Variants in ALG5 observed in about 807,000 individuals in gnomAD.
ALG5 encodes dolichyl-phosphate beta-glucosyltransferase.
A neutral mutation model predicts 51.8 loss-of-function variants in ALG5; 26 were observed. That is an observed-to-expected ratio of 0.50 (90% CI 0.37 to 0.70). The LOEUF (loss-of-function observed/expected upper bound fraction) is 0.70. Ranked by LOEUF, ALG5 falls within the 30% of genes least tolerant of loss-of-function variation. The pLI is 0.00. For missense variants in ALG5, 311 were observed against 399.3 expected (o/e 0.78, Z 1.88); for synonymous variants, 141 against 136.1 (o/e 1.04, Z -0.25).
At chr13:36,996,226 C>A (rs2059049589) in intron 1 of ALG5, among the ~76,000 whole-genome samples, 1 of 152,214 alleles carries the variant, frequency 6.6e-6, no homozygotes, top group African/African-American at 2.4e-5. Flanking sequence ...CTTCCATATG[C>A]ACTTGGGAGC....
intron 5 of ALG5, among the ~76,000 whole-genome samples, chr13:36,987,593 C>T (rs2059007758): frequency 6.6e-6 from 1 of 152,194 alleles, no homozygotes; most frequent in African/African-American, 2.4e-5. Flanking sequence ...CTTCCTGAGG[C>T]CTTCACTAGA....
intron 8 of ALG5, among the ~76,000 whole-genome samples, chr13:36,965,305 A>AAAGGAAAAAAAGGAAGTCT (rs1555250587): frequency 6.6e-6 from 1 of 151,432 alleles, no homozygotes; most frequent in Admixed American, 6.6e-5. Context: ...TTTTTTCTTC[A>AAAGGAAAAAAAGGAAGTCT]AAGGAAAAAA....
intron 6 of ALG5, among the ~76,000 whole-genome samples, chr13:36,983,618 C>T (rs532831232): frequency 1.6e-4 from 24 of 151,150 alleles, no homozygotes; most frequent in African/African-American, 4.9e-4. Context: ...TAAATGTGGC[C>T]AATGAAACTG....
chr13:36,982,333 G>C (rs2058983511), intron 6 of ALG5, among the ~76,000 whole-genome samples: 1 of 152,224 alleles, frequency 6.6e-6, no homozygotes, highest in African/African-American at 2.4e-5. Context: ...AGCTGCTTAA[G>C]CATCACTAGA....
chr13:36,972,312 C>T (rs74920489), intron 6 of ALG5, among the ~76,000 whole-genome samples: 7,932 of 151,922 alleles, frequency 0.052, 693 homozygotes, highest in African/African-American at 0.18. Context: ...TGTGAAAATA[C>T]TATATTATTT....
chr13:36,990,892 G>T (rs1211161821), intron 4 of ALG5, among the ~76,000 whole-genome samples: 1 of 152,036 alleles, frequency 6.6e-6, no homozygotes, highest in Non-Finnish European at 1.5e-5. Context: ...CTAGTTCAGG[G>T]CCTTATCCCC....
Position 36,989,590 on chromosome 13 carries a change from T to C in ALG5, c.355-14A>G. 1 of 1,569,744 alleles carries C rather than the reference T, an allele frequency of 6.4e-7. No individual in the cohort carries two copies. The highest frequency in any genetic ancestry group is 1.1e-5 in the South Asian group (1 of 89,250). On this transcript the variant is annotated splice_polypyrimidine_tract_variant and intron_variant, in intron 4 of 9. Transcript: ENST00000239891. The stretch of plus-strand genomic sequence containing the variant: ...TTTAAAAGCTACCTATGAAATTATA[T>C]AAAAATCAGAATAAAATTAATTTGG...
intron 8 of ALG5, among the ~76,000 whole-genome samples, chr13:36,965,097 G>A (rs2058886681): frequency 1.3e-5 from 2 of 152,152 alleles, no homozygotes; most frequent in African/African-American, 4.8e-5. Flanking sequence ...AATGGAAAGG[G>A]TTCTGGGAAA....
At chr13:36,996,017 G>T (rs2059048460) in intron 1 of ALG5, among the ~76,000 whole-genome samples, 1 of 151,408 alleles carries the variant, frequency 6.6e-6, no homozygotes, top group South Asian at 2.1e-4. Context: ...TATGTGACAG[G>T]ACAAGTCCAT....
Position 36,999,306 on chromosome 13 carries a change from A to T in ALG5, c.-6T>A. ...TGCAACAGAAGCGGAGCCATTCTCC[A>T]TGCCGTGGCAGCCCGCCCAATCCCG... On this transcript the variant is annotated 5_prime_UTR_variant, in exon 1 of 10. It removes an upstream start codon present in the reference 5' UTR. Coordinates refer to ENST00000239891, the MANE Select transcript of ALG5 (RefSeq NM_013338.5). 1 of 1,569,868 alleles carries T rather than the reference A, an allele frequency of 6.4e-7. No homozygotes were observed.
chr13:36,995,394 C>G lies in ALG5; in HGVS notation c.238+31G>C, dbSNP rs1218517809. 5.1e-6 allele frequency: 8 copies of G among 1,581,102 alleles called. No homozygotes were observed. In the African/African-American group the frequency reaches 5.5e-5, roughly 11 times the overall value. On this transcript the variant is annotated intron_variant, in intron 2 of 9. Coordinates refer to ENST00000239891, the MANE Select transcript of ALG5 (RefSeq NM_013338.5). ...AATTTCCTTTTCTTTTCCAAACTAC[C>G]CTTTACCAAAAAAATCAAAACAGGG...
At chr13:36,956,829 G>A (rs752965096) in intron 8 of ALG5, among the ~76,000 whole-genome samples, 16 of 151,936 alleles carry the variant, frequency 1.1e-4, no homozygotes, top group Non-Finnish European at 1.9e-4. Context: ...GAAGGGAACC[G>A]CCCAGCAGAT....
chr13:36,950,150 C>T, intron 9 of ALG5, 93 bp from the exon 10 acceptor site: 1 of 636,492 alleles, frequency 1.6e-6, no homozygotes, highest in Non-Finnish European at 2.6e-6. Context: ...TCGTTGTGAG[C>T]CTTTAGCACC....
intron 5 of ALG5, among the ~76,000 whole-genome samples, chr13:36,988,633 A>G (rs2059012238): frequency 6.6e-6 from 1 of 152,242 alleles, no homozygotes. Flanking sequence ...CCTCAACTAT[A>G]TAATAATCAA....
intron 2 of ALG5, 22 bp downstream of exon 2, chr13:36,995,403 A>G: frequency 3.2e-6 from 5 of 1,584,220 alleles, no homozygotes; most frequent in Non-Finnish European, 4.3e-6. Flanking sequence ...CCCTTTACCA[A>G]AAAAATCAAA....
rs556818916 is a variant in ALG5 at position 36,965,620 on chromosome 13, C to T, written c.728G>A (p.Arg243Gln). Residue 243 changes from arginine to glutamine, a missense_variant, in exon 8 of 10, where the codon CGA becomes CAA. By Grantham distance (43) the Arg-to-Gln change is conservative (BLOSUM62 1). Transcript: ENST00000239891. ...TGAAAACGTCCGTGAAGCTGCTTCT[C>T]GAGTAAATAATTTGAACCCACACTG... The part of the protein sequence containing the change: ...DTQCGFKLFT[R>Q]EAASRTFSSL... The T allele has an allele frequency of 5.6e-6, 9 of 1,613,818 alleles. No individual in the cohort carries two copies. The highest frequency in any genetic ancestry group is 4.5e-5 in the East Asian group (2 of 44,866).
intron 2 of ALG5, 75 bp from the exon 3 acceptor site, chr13:36,995,110 G>T: frequency 7.7e-7 from 1 of 1,294,966 alleles, no homozygotes; most frequent in Non-Finnish European, 1.1e-6. Context: ...CTTACATACA[G>T]AAAAAAGTCC....
At chr13:36,967,075 T>A (rs1473120783) in intron 7 of ALG5, among the ~76,000 whole-genome samples, 1 of 151,654 alleles carries the variant, frequency 6.6e-6, no homozygotes, top group Non-Finnish European at 1.5e-5. Flanking sequence ...ATACAAAAAT[T>A]AGCCAGGCAT....
At chr13:36,957,980 T>C (rs566029207) in intron 8 of ALG5, among the ~76,000 whole-genome samples, 3 of 152,214 alleles carry the variant, frequency 2.0e-5, no homozygotes, top group South Asian at 2.1e-4. Flanking sequence ...GAGTCTTGGA[T>C]ACATCACACT....
Sources: allele counts gnomAD v4.1 joint callset (sites outside exome capture counted in the v4.1 genomes callset), GRCh38; gene constraint gnomAD v4.1.1; transcripts MANE v1.5; gene names NCBI Gene and HGNC (gene_info 2026-07-23, HGNC 2026-07-21).